The following EYA1 variants were observed in gnomAD, a reference collection of about 807,000 sequenced individuals.
EYA1 encodes the protein protein phosphatase EYA1.
A neutral mutation model predicts 82.0 loss-of-function variants in EYA1; 16 were observed. The observed-to-expected ratio is 0.20, with a 90% CI of 0.13 to 0.30. The LOEUF is 0.30. EYA1 is among the 10% of genes least tolerant of loss of function. The pLI is 1.00. For missense variants in EYA1, 633 were observed against 730.7 expected, an observed-to-expected ratio of 0.87 and a Z score of 1.54; for synonymous variants, 261 against 264.4, an observed-to-expected ratio of 0.99 and a Z score of 0.12.
At chr8:71,462,527 C>G (rs1250578416) in intron 2 of EYA1, among the ~76,000 whole-genome samples, 1 of 152,176 alleles carries the variant, frequency 6.6e-6, no homozygotes, top group African/African-American at 2.4e-5. Context: ...AGGACTCTCA[C>G]CCGCTCTGTG....
chr8:71,272,520 C>T (rs533788839), intron 9 of EYA1, among the ~76,000 whole-genome samples: 102 of 152,244 alleles, frequency 6.7e-4, no homozygotes, highest in Admixed American at 1.2e-3. Flanking sequence ...TCCCTTTGAA[C>T]CAAACATCCA....
chr8:71,454,472 C>T (rs1234586186), intron 2 of EYA1, among the ~76,000 whole-genome samples: 4 of 152,172 alleles, frequency 2.6e-5, no homozygotes, highest in African/African-American at 9.6e-5. Context: ...ATACATTCTT[C>T]TCAGCACCAC....
intron 11 of EYA1, among the ~76,000 whole-genome samples, chr8:71,263,813 G>A (rs1186839728): frequency 1.3e-5 from 2 of 152,126 alleles, no homozygotes; most frequent in African/African-American, 4.8e-5. Context: ...TTAAAGGCCT[G>A]ACAGAAGCAG....
At chr8:71,490,266 T>C (rs1013699586) in intron 2 of EYA1, among the ~76,000 whole-genome samples, 4 of 152,220 alleles carry the variant, frequency 2.6e-5, no homozygotes, top group African/African-American at 9.6e-5. Flanking sequence ...TTGCCATTTT[T>C]GCCCACTGAC....
chr8:71,505,214 T>C (rs888943887), intron 2 of EYA1, among the ~76,000 whole-genome samples: 1 of 152,144 alleles, frequency 6.6e-6, no homozygotes, highest in South Asian at 2.1e-4. Context: ...GAAATGAAGA[T>C]GAATGCAGTG....
At chr8:71,292,587 G>A (rs1819124429) in intron 9 of EYA1, among the ~76,000 whole-genome samples, 1 of 151,974 alleles carries the variant, frequency 6.6e-6, no homozygotes, top group Admixed American at 6.6e-5. Context: ...TCTGTAAGAT[G>A]TTAATATCTG....
At chr8:71,334,950 T>C (rs778609734) in intron 3 of EYA1, among the ~76,000 whole-genome samples, 16 of 152,230 alleles carry the variant, frequency 1.1e-4, no homozygotes, top group Non-Finnish European at 2.1e-4. Flanking sequence ...ATGGTGACAG[T>C]GTTATTGTTC....
At chr8:71,349,207 TC>T (rs1826060452) in intron 3 of EYA1, among the ~76,000 whole-genome samples, 1 of 152,128 alleles carries the variant, frequency 6.6e-6, no homozygotes, top group Non-Finnish European at 1.5e-5. Context: ...CACCAGAACT[TC>T]AAGACCGGAC....
chr8:71,529,401 G>A (rs2129281126), intron 2 of EYA1: 1 of 152,184 alleles, frequency 6.6e-6, no homozygotes, highest in South Asian at 2.1e-4. Flanking sequence ...CTTAAGTATT[G>A]GAAAATAATT....
At position 71,278,943 on chromosome 8, in the gene EYA1, G is replaced by A. The variant is rs77396840; in HGVS notation, c.827-7046C>T. Among the ~76,000 whole-genome samples, 264 of 152,260 alleles carry A rather than the reference G, an allele frequency of 1.7e-3. 10 individuals carry two copies. The East Asian group carries it at 0.039, about 22-fold the overall frequency. On this transcript the variant is annotated intron_variant, in intron 9 of 17. Transcript: ENST00000340726. ...TCCTCACTCATATTGAAGTCTAAGT[G>A]AGGTGAAAGACTACTCTCCCTAAAC...
chr8:71,266,827 T>C (rs1815885808), intron 11 of EYA1, among the ~76,000 whole-genome samples: 1 of 152,158 alleles, frequency 6.6e-6, no homozygotes, highest in Non-Finnish European at 1.5e-5. Flanking sequence ...TCCCTCCAAA[T>C]TGAATTCTTT....
At chr8:71,426,808 CTT>C (rs1374579343) in intron 2 of EYA1, among the ~76,000 whole-genome samples, 4 of 152,148 alleles carry the variant, frequency 2.6e-5, no homozygotes, top group Admixed American at 6.5e-5. Context: ...TTATTAGTTG[CTT>C]TGCTCTGAAA....
At chr8:71,230,684 G>A (rs1286128158) in intron 12 of EYA1, among the ~76,000 whole-genome samples, 1 of 152,206 alleles carries the variant, frequency 6.6e-6, no homozygotes, top group African/African-American at 2.4e-5. Flanking sequence ...CAACAGAATA[G>A]AGAAACTATG....
At chr8:71,293,537 C>T (rs750435728) in intron 9 of EYA1, among the ~76,000 whole-genome samples, 34 of 151,844 alleles carry the variant, frequency 2.2e-4, no homozygotes, top group Admixed American at 3.9e-4. Flanking sequence ...TGCAAAGATC[C>T]TCAACAAAAT....
chr8:71,496,743 C>T (rs1385285334), intron 2 of EYA1, among the ~76,000 whole-genome samples: 2 of 152,148 alleles, frequency 1.3e-5, no homozygotes, highest in African/African-American at 4.8e-5. Flanking sequence ...TCTGTCTTTA[C>T]ATCTTCTACC....
intron 2 of EYA1, among the ~76,000 whole-genome samples, chr8:71,528,656 C>T (rs1586891832): frequency 6.6e-6 from 1 of 152,168 alleles, no homozygotes; most frequent in Non-Finnish European, 1.5e-5. Flanking sequence ...ACAGATAGTA[C>T]CTCATTCCCC....
chr8:71,382,633 T>C (rs1828769603), intron 2 of EYA1, among the ~76,000 whole-genome samples: 1 of 152,128 alleles, frequency 6.6e-6, no homozygotes, highest in Non-Finnish European at 1.5e-5. Flanking sequence ...CATTTTCTCA[T>C]TGACTAGTAA....
intron 2 of EYA1, among the ~76,000 whole-genome samples, chr8:71,420,308 A>G (rs1321631798): frequency 6.6e-6 from 1 of 152,186 alleles, no homozygotes; most frequent in African/African-American, 2.4e-5. Context: ...TCCCTCTGAG[A>G]TGGAAGAAAG....
At chr8:71,433,200 T>A (rs1487097290) in intron 2 of EYA1, among the ~76,000 whole-genome samples, 3 of 152,190 alleles carry the variant, frequency 2.0e-5, no homozygotes, top group African/African-American at 7.2e-5. Context: ...CCTTACAACT[T>A]AACATTTTCA....
Sources: gnomAD v4.1 joint callset for allele counts (sites outside exome capture counted in the v4.1 genomes callset) on GRCh38, gnomAD v4.1.1 for gene constraint, MANE v1.5 for transcripts, NCBI Gene and HGNC (gene_info 2026-07-23, HGNC 2026-07-21) for gene names.